Variants in FAF1 observed in about 807,000 individuals in gnomAD.
The protein encoded by FAF1 is FAS-associated factor 1.
FAF1 carries 25 observed loss-of-function variants against 92.5 expected under a neutral mutation model. The ratio of observed to expected loss-of-function variants is 0.27; its 90% CI spans 0.20 to 0.38. The LOEUF (loss-of-function observed/expected upper bound fraction) is 0.38, where lower values mean the gene tolerates loss of function less well. Ranked by LOEUF, FAF1 falls within the 10% of genes least tolerant of loss-of-function variation. The pLI, the probability that FAF1 is intolerant of heterozygous loss-of-function variation, is 1.00. For synonymous variants in FAF1, 234 were observed against 273.2 expected, an observed-to-expected ratio of 0.86 and a Z score of 1.42; for missense variants, 636 against 793.3, an observed-to-expected ratio of 0.80 and a Z score of 2.38.
intron 12 of FAF1, among the ~76,000 whole-genome samples, chr1:50,582,248 A>C (rs993003684): frequency 2.0e-5 from 3 of 152,134 alleles, no homozygotes; most frequent in Admixed American, 6.5e-5. Context: ...TTAAAAAAAA[A>C]CCCTATTTCA....
chr1:50,691,810 C>T (rs1467886692), intron 7 of FAF1, among the ~76,000 whole-genome samples: 1 of 152,128 alleles, frequency 6.6e-6, no homozygotes, highest in Non-Finnish European at 1.5e-5. Flanking sequence ...CGTGAGCCAT[C>T]GTGCCTGGCC....
intron 13 of FAF1, among the ~76,000 whole-genome samples, chr1:50,557,908 T>G (rs1182732795): frequency 2.3e-5 from 2 of 87,146 alleles, no homozygotes; most frequent in African/African-American, 8.1e-5. Flanking sequence ...TATAAATATC[T>G]TATTTATTTA....
chr1:50,543,997 C>T (rs1289238273), intron 13 of FAF1, among the ~76,000 whole-genome samples: 1 of 152,112 alleles, frequency 6.6e-6, no homozygotes, highest in Middle Eastern at 3.2e-3. Context: ...AACTTGCTCT[C>T]CTGGGAAGAA....
intron 13 of FAF1, among the ~76,000 whole-genome samples, chr1:50,550,051 T>C (rs1649231412): frequency 6.6e-6 from 1 of 152,026 alleles, no homozygotes; most frequent in Non-Finnish European, 1.5e-5. Flanking sequence ...CTAATGGATA[T>C]AAAAATGTGG....
rs148790293 is a variant in FAF1, at chr1:50,791,428, T to C, written c.162-3223A>G. Among the ~76,000 whole-genome samples, 7 of 152,368 alleles carry C rather than the reference T, an allele frequency of 4.6e-5. No individual in the cohort carries two copies. In the East Asian group the frequency reaches 1.3e-3, roughly 29 times the overall value. ...TATTTTCTTCTGCTAGATGGTTTCC[T>C]GTTAGATTCTACCAAGAGGAGACAC... On this transcript the variant is annotated intron_variant, in intron 3 of 18. Transcript: ENST00000396153.
chr1:50,691,777 G>GTGGGGAT (rs1224645165), intron 7 of FAF1, among the ~76,000 whole-genome samples: 3 of 152,140 alleles, frequency 2.0e-5, no homozygotes, highest in Non-Finnish European at 4.4e-5. Flanking sequence ...TTTAGTAGAG[G>GTGGGGAT]TGGGGATTCC....
chr1:50,591,293 G>A (rs995213393), intron 9 of FAF1, among the ~76,000 whole-genome samples: 3 of 152,052 alleles, frequency 2.0e-5, no homozygotes, highest in African/African-American at 7.2e-5. Context: ...CTTCTGTCTT[G>A]TTTCTTTTAA....
At chr1:50,544,135 T>G (rs1648889769) in intron 13 of FAF1, among the ~76,000 whole-genome samples, 1 of 152,052 alleles carries the variant, frequency 6.6e-6, no homozygotes, top group Admixed American at 6.6e-5. Context: ...CTCTTAAAGG[T>G]TGCACCTCCC....
chr1:50,595,419 T>C lies in FAF1; in HGVS notation c.840+702A>G, dbSNP rs934738626. On this transcript the variant is annotated intron_variant, in intron 9 of 18. Coordinates refer to ENST00000396153, the MANE Select transcript of FAF1 (RefSeq NM_007051.3). ...GTATAGGTATAGTGTTATTCATCTT[T>C]GTTATCTAAAGATATTAAGCACAGT... Among the ~76,000 whole-genome samples, 6 of 152,336 alleles carry C rather than the reference T, an allele frequency of 3.9e-5. No individual in the cohort carries two copies. In the South Asian group the frequency reaches 6.2e-4, roughly 16 times the overall value.
intron 7 of FAF1, among the ~76,000 whole-genome samples, chr1:50,697,217 A>T (rs955265216): frequency 6.6e-6 from 1 of 152,138 alleles, no homozygotes; most frequent in Non-Finnish European, 1.5e-5. Flanking sequence ...CAATAAACTA[A>T]TTTTTCTTGC....
intron 8 of FAF1, among the ~76,000 whole-genome samples, chr1:50,643,827 A>C (rs1039101451): frequency 2.6e-5 from 4 of 152,196 alleles, no homozygotes; most frequent in African/African-American, 9.6e-5. Flanking sequence ...TCCAGAGCTC[A>C]AGTGATCCTC....
chr1:50,700,679 G>A (rs1287703447), intron 7 of FAF1, among the ~76,000 whole-genome samples: 2 of 152,102 alleles, frequency 1.3e-5, no homozygotes, highest in Non-Finnish European at 2.9e-5. Flanking sequence ...ATAAATCACA[G>A]ATGATGAAAT....
At chr1:50,545,110 A>G (rs527467314) in intron 13 of FAF1, among the ~76,000 whole-genome samples, 1 of 152,300 alleles carries the variant, frequency 6.6e-6, no homozygotes, top group East Asian at 1.9e-4. Context: ...ATTCCAAACC[A>G]CAAAAAAGAG....
intron 6 of FAF1, among the ~76,000 whole-genome samples, chr1:50,716,907 A>G (rs1427584572): frequency 1.3e-5 from 2 of 152,156 alleles, no homozygotes; most frequent in Non-Finnish European, 2.9e-5. Context: ...GCTCTTCACA[A>G]TAAATCTTGT....
intron 17 of FAF1, among the ~76,000 whole-genome samples, chr1:50,481,060 G>A (rs1187720535): frequency 1.3e-5 from 2 of 151,940 alleles, no homozygotes; most frequent in Non-Finnish European, 2.9e-5. Context: ...ATAGAATAAG[G>A]ATATAAAGAA....
intron 1 of FAF1, among the ~76,000 whole-genome samples, chr1:50,950,964 C>T (rs1645209555): frequency 6.6e-6 from 1 of 152,252 alleles, no homozygotes. Flanking sequence ...GGCAAAGTGA[C>T]TCATGCCTGA....
At chr1:50,727,257 T>C (rs1658698662) in intron 6 of FAF1, among the ~76,000 whole-genome samples, 2 of 152,248 alleles carry the variant, frequency 1.3e-5, no homozygotes, top group African/African-American at 4.8e-5. Flanking sequence ...ATCTTCTCCA[T>C]AGTTTTATTA....
intron 8 of FAF1, among the ~76,000 whole-genome samples, chr1:50,612,046 T>C (rs1557434647): frequency 6.6e-6 from 1 of 152,232 alleles, no homozygotes; most frequent in Non-Finnish European, 1.5e-5. Flanking sequence ...GGTAATCTTG[T>C]TATGGCCACA....
rs61781024 is a variant in FAF1, at chr1:50,656,230, G to T, written c.658-702C>A. The stretch of plus-strand genomic sequence containing the variant: ...GCCTATAATCCCAGCTACTTGGGAG[G>T]CTGAGGCAGGAGAATCGTTTGCATC... On this transcript the variant is annotated intron_variant, in intron 7 of 18. Coordinates refer to ENST00000396153, the MANE Select transcript of FAF1 (RefSeq NM_007051.3). Among the ~76,000 whole-genome samples the T allele has an allele frequency of 7.3e-3, 1,109 of 151,932 alleles. 10 individuals are homozygous for T. Among genetic ancestry groups the T allele is most frequent in the Non-Finnish European group, 7.6e-3 (514 of 67,980 alleles).
Sources: allele counts gnomAD v4.1 joint callset (sites outside exome capture counted in the v4.1 genomes callset), GRCh38; gene constraint gnomAD v4.1.1; transcripts MANE v1.5; gene names NCBI Gene and HGNC (gene_info 2026-07-23, HGNC 2026-07-21).